Variants in PRKN observed in about 807,000 individuals in gnomAD.
The protein encoded by PRKN is E3 ubiquitin-protein ligase parkin.
In PRKN, 56 loss-of-function variants were observed where a neutral mutation model predicts 59.5. That is an observed-to-expected ratio of 0.94 (90% CI 0.76 to 1.18). The LOEUF (loss-of-function observed/expected upper bound fraction) is 1.18, where lower values mean the gene tolerates loss of function less well. Ranked by LOEUF, PRKN falls within the 50% of genes most tolerant of loss-of-function variation. The probability of loss-of-function intolerance (pLI) is 0.00; values close to 1 mark genes in which losing one functional copy is unlikely to be tolerated. For synonymous variants in PRKN, 250 were observed against 222.1 expected, an observed-to-expected ratio of 1.13 and a Z score of -1.12; for missense variants, 657 against 596.4, an observed-to-expected ratio of 1.10 and a Z score of -1.06.
chr6:161,660,616 A>C (rs914728762), intron 7 of PRKN, among the ~76,000 whole-genome samples: 1 of 152,162 alleles, frequency 6.6e-6, no homozygotes, highest in African/African-American at 2.4e-5. Context: ...GAACAGCGGC[A>C]GTGGCCTCAC....
At position 161,371,673 on chromosome 6, in the gene PRKN, C is replaced by CTGTCACCTA. The variant is rs1470337307; in HGVS notation, c.1168-11477_1168-11469dup. Among the ~76,000 whole-genome samples, 1 of 152,128 alleles carries CTGTCACCTA rather than the reference C, an allele frequency of 6.6e-6. No individual in the cohort carries two copies. Among genetic ancestry groups the CTGTCACCTA allele is most frequent in the Non-Finnish European group, 1.5e-5 (1 of 68,010 alleles). On this transcript the variant is annotated intron_variant, in intron 10 of 11. Transcript: ENST00000366898. The surrounding 1 kb of genome is among the most constrained non-coding windows in gnomAD (Gnocchi z 5.5). ...TCTATTTTTGAGACGGAGTTTTGCT[C>CTGTCACCTA]TGTCACCTAGGCTGGAGTGCAATGA... is the stretch of plus-strand genomic sequence containing the variant.
intron 2 of PRKN, among the ~76,000 whole-genome samples, chr6:162,316,822 A>C (rs1782772565): frequency 6.6e-6 from 1 of 152,024 alleles, no homozygotes; most frequent in Non-Finnish European, 1.5e-5. Context: ...TTAATGAAAT[A>C]AGACATATTT....
chr6:162,387,553 C>CAGAGAGAGAGAGAG (rs1204741690), intron 2 of PRKN, among the ~76,000 whole-genome samples: 5 of 80,268 alleles, frequency 6.2e-5, no homozygotes, highest in African/African-American at 3.3e-4. Flanking sequence ...CACACACACA[C>CAGAGAGAGAGAGAG]ACAGAGAGAG....
At chr6:162,115,828 C>A (rs955929225) in intron 4 of PRKN, among the ~76,000 whole-genome samples, 1 of 152,156 alleles carries the variant, frequency 6.6e-6, no homozygotes, top group African/African-American at 2.4e-5. Context: ...TTGCTAGGAC[C>A]AAATATCCTT....
rs1412957885 is a variant in PRKN at position 161,405,598 on chromosome 6, T to C, written c.1084-18721A>G. Among the ~76,000 whole-genome samples, 1 of 144,586 alleles carries C rather than the reference T, an allele frequency of 6.9e-6. No homozygotes were observed. The highest frequency in any genetic ancestry group is 1.5e-5 in the Non-Finnish European group (1 of 66,160). The allele number at this position is 144,586 out of a possible 152,430, so 94.9% of individuals were successfully genotyped here. ...ACCCTGTCTAAAAAATAAAATAAAATAAAAATTAAAAATAAATAAATAAAT... is the reference window on the plus strand; with the variant it reads ...ACCCTGTCTAAAAAATAAAATAAAACAAAAATTAAAAATAAATAAATAAAT... On this transcript the variant is annotated intron_variant, in intron 9 of 11. Transcript: ENST00000366898. This position sits in a 1 kb window ranked among gnomAD's most constrained non-coding sequence, Gnocchi z 5.1.
chr6:161,956,854 A>G (rs1019605048), intron 6 of PRKN, among the ~76,000 whole-genome samples: 4 of 152,186 alleles, frequency 2.6e-5, no homozygotes, highest in African/African-American at 7.2e-5. Context: ...TCTGTAATAG[A>G]GTTATATATA....
At chr6:161,805,777 C>G (rs1791292939) in intron 6 of PRKN, among the ~76,000 whole-genome samples, 1 of 152,160 alleles carries the variant, frequency 6.6e-6, no homozygotes, top group East Asian at 1.9e-4. Flanking sequence ...TGATGGAGAG[C>G]CGGGGTGGTT....
intron 2 of PRKN, among the ~76,000 whole-genome samples, chr6:162,278,319 A>G (rs950431972): frequency 9.9e-5 from 15 of 152,164 alleles, no homozygotes; most frequent in African/African-American, 3.6e-4. Context: ...CAGCACAGAG[A>G]ATATTTAAGG....
At chr6:162,532,845 C>G (rs1778568874) in intron 1 of PRKN, among the ~76,000 whole-genome samples, 1 of 152,234 alleles carries the variant, frequency 6.6e-6, no homozygotes, top group Non-Finnish European at 1.5e-5. Context: ...GTCTGTTTCT[C>G]TCCCTGGGGG....
intron 2 of PRKN, among the ~76,000 whole-genome samples, chr6:162,274,608 C>T (rs969670139): frequency 6.6e-6 from 1 of 152,164 alleles, no homozygotes; most frequent in Non-Finnish European, 1.5e-5. Flanking sequence ...TCTAATTTCA[C>T]AACATTTTCT....
chr6:162,307,619 C>T, intron 2 of PRKN, among the ~76,000 whole-genome samples: 1 of 151,928 alleles, frequency 6.6e-6, no homozygotes, highest in East Asian at 1.9e-4. Flanking sequence ...GGGAAAAAAA[C>T]AGTTTGATGA....
intron 4 of PRKN, among the ~76,000 whole-genome samples, chr6:162,181,979 T>C (rs1783822112): frequency 6.6e-6 from 1 of 152,204 alleles, no homozygotes; most frequent in African/African-American, 2.4e-5. Context: ...TACTGACTCA[T>C]TATCCCAGAA....
chr6:162,719,262 A>G (rs1046782021), intron 1 of PRKN, among the ~76,000 whole-genome samples: 1 of 152,208 alleles, frequency 6.6e-6, no homozygotes, highest in African/African-American at 2.4e-5. Context: ...CAACTGGATC[A>G]TGCAGTCTAC....
At chr6:161,975,085 CTTTTTTT>C (rs769121865) in intron 5 of PRKN, among the ~76,000 whole-genome samples, 8 of 124,466 alleles carry the variant, frequency 6.4e-5, no homozygotes, top group Admixed American at 1.6e-4. Context: ...ACATATACTT[CTTTTTTT>C]TTTTTTTTTT....
intron 7 of PRKN, among the ~76,000 whole-genome samples, chr6:161,746,983 T>A (rs936136751): frequency 2.6e-4 from 39 of 152,166 alleles, no homozygotes; most frequent in African/African-American, 8.7e-4. Context: ...TGCCCAATTA[T>A]CTGTTGAGAT....
At chr6:162,459,357 C>T (rs1157076580) in intron 1 of PRKN, among the ~76,000 whole-genome samples, 2 of 151,952 alleles carry the variant, frequency 1.3e-5, no homozygotes, top group East Asian at 1.9e-4. Flanking sequence ...AATATTAGTA[C>T]AAGAAATTAC....
intron 6 of PRKN, among the ~76,000 whole-genome samples, chr6:161,931,481 G>A (rs113327883): frequency 0.012 from 1,901 of 152,200 alleles, 46 homozygotes; most frequent in African/African-American, 0.042. Context: ...GGTACTGGAA[G>A]GTGAATTTGC....
At chr6:162,476,745 G>A (rs562208333) in intron 1 of PRKN, among the ~76,000 whole-genome samples, 37 of 152,178 alleles carry the variant, frequency 2.4e-4, no homozygotes, top group African/African-American at 6.5e-4. Flanking sequence ...TAATAATTAC[G>A]ATTCTATCGT....
chr6:162,302,435 C>G (rs1782003592), intron 2 of PRKN, among the ~76,000 whole-genome samples: 1 of 152,094 alleles, frequency 6.6e-6, no homozygotes, highest in African/African-American at 2.4e-5. Context: ...AAGGAGACTT[C>G]AATCATGAGA....
Sources: gnomAD v4.1 joint callset for allele counts (sites outside exome capture counted in the v4.1 genomes callset) on GRCh38, gnomAD v4.1.1 for gene constraint, Gnocchi (gnomAD v3.1) non-coding constraint, MANE v1.5 for transcripts, NCBI Gene and HGNC (gene_info 2026-07-23, HGNC 2026-07-21) for gene names.